Variants in SGSM3 observed in about 807,000 individuals in gnomAD.
The protein encoded by SGSM3 is small G protein signaling modulator 3.
SGSM3 carries 96 observed loss-of-function variants against 100.5 expected under a neutral mutation model. The observed-to-expected ratio is 0.96, with a 90% confidence interval of 0.81 to 1.13. SGSM3 has a LOEUF of 1.13. Among genes scored for constraint, SGSM3 ranks in the 50% most tolerant of loss-of-function variants. The pLI is 0.00. For synonymous variants in SGSM3, 483 were observed against 422.8 expected (o/e 1.14, Z -1.75); for missense variants, 1,001 against 1,015.8 (o/e 0.99, Z 0.20).
downstream of SGSM3, chr22:40,410,289 C>CTGTG (rs199646302): frequency 4.5e-4 from 266 of 595,318 alleles, 1 homozygote; most frequent in East Asian, 0.013. Flanking sequence ...ACTAACAGGC[C>CTGTG]TGTGTTTTTG....
rs755742784 is a variant in SGSM3 at position 40,406,219 on chromosome 22, T to TC, written c.957dup (p.Lys320GlnfsTer98). On this transcript the variant is annotated frameshift_variant, in exon 9 of 22. Transcript: ENST00000248929. LOFTEE classifies it high-confidence loss of function. ...CAGCTCACGCTGGGCATGCTGCACCTCAAGGTGCTCCACGGCCCCACTTCA... is the reference window on the plus strand; with the variant it reads ...CAGCTCACGCTGGGCATGCTGCACCTCCAAGGTGCTCCACGGCCCCACTTCA... 9.9e-6 allele frequency: 16 copies of TC among 1,613,740 alleles called. No homozygotes were observed. Among genetic ancestry groups the TC allele is most frequent in the Non-Finnish European group, 1.4e-5 (16 of 1,180,000 alleles).
At chr22:40,391,691 C>T (rs1467373859) in intron 1 of SGSM3, among the ~76,000 whole-genome samples, 1 of 152,188 alleles carries the variant, frequency 6.6e-6, no homozygotes, top group African/African-American at 2.4e-5. Flanking sequence ...CATGATTAGC[C>T]TATTGACTAT....
chr22:40,373,430 G>A (rs2059599449), intron 1 of SGSM3: 1 of 152,046 alleles, frequency 6.6e-6, no homozygotes, highest in South Asian at 2.1e-4. Flanking sequence ...CCTCAACTCT[G>A]TTGAAACTAC....
At position 40,403,614 on chromosome 22, in the gene SGSM3, G is replaced by C. The variant is rs150416899; in HGVS notation, c.158-633G>C. ...AGACCATGTCATTGGAGTGGAGAGA[G>C]CAAGAGGAAAATGGCAGGGGGTGAG... On this transcript the variant is annotated intron_variant, in intron 4 of 21. Coordinates refer to ENST00000248929, the MANE Select transcript of SGSM3 (RefSeq NM_015705.6). 2.2e-3 allele frequency among the ~76,000 whole-genome samples: 333 copies of C among 152,310 alleles called. 1 individual carries two copies. Among genetic ancestry groups the C allele is most frequent in the African/African-American group, 7.7e-3 (321 of 41,558 alleles).
intron 16 of SGSM3, 31 bp downstream of exon 16, chr22:40,408,460 C>A: frequency 6.2e-7 from 1 of 1,612,540 alleles, no homozygotes; most frequent in Non-Finnish European, 8.5e-7. Flanking sequence ...ATGACCCCCA[C>A]CCTGCACCAG....
chr22:40,405,702 G>A lies in SGSM3; in HGVS notation c.672G>A (p.Met224Ile), dbSNP rs201902718. Residue 224 changes from methionine to isoleucine, a missense_variant, in exon 8 of 22, where the codon ATG (methionine) becomes ATA (isoleucine). Met to Ile is a conservative substitution (Grantham distance 10, BLOSUM62 1). Coordinates refer to ENST00000248929, the MANE Select transcript of SGSM3 (RefSeq NM_015705.6). ...AGGAGGAGGACGCCTTCTGGATGATGTCTGCCATCATCGAGGACCTGCTCC... is the reference window on the plus strand; with the variant it reads ...AGGAGGAGGACGCCTTCTGGATGATATCTGCCATCATCGAGGACCTGCTCC... ...FLEEEDAFWM[M>I]SAIIEDLLPA... 4.3e-6 allele frequency: 7 copies of A among 1,613,676 alleles called. No homozygotes were observed. The highest frequency in any genetic ancestry group is 5.9e-6 in the Non-Finnish European group (7 of 1,179,970).
At position 40,407,285 on chromosome 22, in the gene SGSM3, TG is replaced by T; in HGVS notation, c.1327del (p.Ala443HisfsTer16). The T allele has an allele frequency of 6.2e-7, 1 of 1,613,448 alleles. No homozygotes were observed. The highest frequency in any genetic ancestry group is 8.5e-7 in the Non-Finnish European group (1 of 1,179,994). ...VADLREAILR[V>X]ARHFQCTDPK... ...GACCTCCGGGAAGCCATCCTGCGCGTGGCACGCCACTTCCAGTGCACAGACC... is the reference window on the plus strand; with the variant it reads ...GACCTCCGGGAAGCCATCCTGCGCGTGCACGCCACTTCCAGTGCACAGACC... On this transcript the variant is annotated frameshift_variant, in exon 12 of 22. Coordinates refer to ENST00000248929, the MANE Select transcript of SGSM3 (RefSeq NM_015705.6). LOFTEE classifies it high-confidence loss of function. The surrounding 1 kb of genome is among the most constrained non-coding windows in gnomAD (Gnocchi z 4.7).
intron 1 of SGSM3, chr22:40,379,439 G>A (rs2146785090): frequency 6.6e-6 from 1 of 152,340 alleles, no homozygotes; most frequent in African/African-American, 2.4e-5. Context: ...AGAAGTCTGA[G>A]ATCACCTCTT....
chr22:40,408,423 C>T lies in SGSM3; in HGVS notation c.1776C>T (p.Ile592=), dbSNP rs779903322. 67 of 1,613,302 alleles carry T rather than the reference C, an allele frequency of 4.2e-5. No individual in the cohort carries two copies. The highest frequency in any genetic ancestry group is 2.3e-4 in the African/African-American group (17 of 74,896). The stretch of plus-strand genomic sequence containing the variant: ...GCGCCTGCCACCCCTGGCTGTTTAT[C>T]GAGGAGGTAAGTCAGTGGCTGGGCC... ...LGGACHPWLF[I]EEAAGREVER... The change falls in exon 16 of 22, where the codon ATC becomes ATT. Residue 592 remains isoleucine, a synonymous_variant. Transcript: ENST00000248929.
intron 1 of SGSM3, among the ~76,000 whole-genome samples, chr22:40,374,504 A>G (rs1246771770): frequency 6.6e-6 from 1 of 152,224 alleles, no homozygotes; most frequent in Non-Finnish European, 1.5e-5. Flanking sequence ...CTTGCCTGCA[A>G]TGTAAGCTCT....
intron 1 of SGSM3, among the ~76,000 whole-genome samples, chr22:40,398,003 CTGTCACCA>C (rs2050261664): frequency 8.2e-6 from 1 of 121,454 alleles, no homozygotes; most frequent in Admixed American, 1.0e-4. Flanking sequence ...GATGGAGTCT[CTGTCACCA>C]GGCTGGAATG....
Position 40,408,348 on chromosome 22 carries a change from C to T in SGSM3, c.1701C>T (p.Ala567=). 1 of 1,613,578 alleles carries T rather than the reference C, an allele frequency of 6.2e-7. No individual in the cohort carries two copies. The highest frequency in any genetic ancestry group is 8.5e-7 in the Non-Finnish European group (1 of 1,179,986). The stretch of plus-strand genomic sequence containing the variant: ...TCGTGCGAGGGACCCTCTGCCCGGC[C>T]CTTAAGGCCCTGTTCGAACATGGAC... ...TDLVRGTLCP[A]LKALFEHGLK... The change falls in exon 16 of 22, where the codon GCC becomes GCT. Residue 567 remains alanine (A), a synonymous_variant. Transcript: ENST00000248929.
At chr22:40,373,894 G>A (rs1413328817) in intron 1 of SGSM3, among the ~76,000 whole-genome samples, 3 of 152,010 alleles carry the variant, frequency 2.0e-5, no homozygotes, top group Non-Finnish European at 4.4e-5. Context: ...GATTACAGGC[G>A]TGAGCCACCA....
At chr22:40,401,858 A>G (rs2050799589) in intron 3 of SGSM3, among the ~76,000 whole-genome samples, 183 bp downstream of exon 3, 1 of 152,256 alleles carries the variant, frequency 6.6e-6, no homozygotes, top group Admixed American at 6.5e-5. Context: ...CTATGCTCTC[A>G]GTATTATAGG....
intron 3 of SGSM3, among the ~76,000 whole-genome samples, chr22:40,401,932 A>T (rs1017357210): frequency 6.6e-6 from 1 of 152,224 alleles, no homozygotes; most frequent in Admixed American, 6.5e-5. Flanking sequence ...TGAGAAGAAC[A>T]AGGAAAATAG....
intron 1 of SGSM3, chr22:40,387,620 T>C (rs1343645728): frequency 6.3e-6 from 1 of 159,626 alleles, no homozygotes; most frequent in Non-Finnish European, 1.4e-5. Context: ...ACCTGAAAGC[T>C]GAGTTGCAGT....
chr22:40,410,021 G>A lies in SGSM3; in HGVS notation c.*262G>A. The A allele has an allele frequency of 7.5e-7, 1 of 1,326,906 alleles. No individual in the cohort carries two copies. 82.2% of individuals were successfully genotyped at this position (1,326,906 alleles called of 1,614,324 possible). The stretch of plus-strand genomic sequence containing the variant: ...GTGAGGAGGTGGGGGAGCCATGTCT[G>A]TGCTCAGGAAGAGGGAAGGGGATGG... On this transcript the variant is annotated 3_prime_UTR_variant, in exon 22 of 22. Transcript: ENST00000248929.
In SGSM3 at chr22:40,400,827, C is replaced by G; in HGVS notation, c.7+14C>G. On this transcript the variant is annotated intron_variant, in intron 2 of 21. Coordinates refer to ENST00000248929, the MANE Select transcript of SGSM3 (RefSeq NM_015705.6). ...GCACAATGTCAGGTAGAGGCAGGGGCTGGACTTGGAAACGGGGTTTGAAGC... is the reference window on the plus strand; with the variant it reads ...GCACAATGTCAGGTAGAGGCAGGGGGTGGACTTGGAAACGGGGTTTGAAGC... 1 of 1,531,432 alleles carries G rather than the reference C, an allele frequency of 6.5e-7. No homozygotes were observed. The highest frequency in any genetic ancestry group is 2.5e-5 in the East Asian group (1 of 40,504). 94.9% of individuals were successfully genotyped at this position (1,531,432 alleles called of 1,614,324 possible). A position where few individuals can be genotyped will look rare whatever the true frequency, so the allele number is the denominator to read the frequency against.
At position 40,406,190 on chromosome 22, in the gene SGSM3, G is replaced by T; in HGVS notation, c.927G>T (p.Leu309=). 6.2e-7 allele frequency: 1 copy of T among 1,614,104 alleles called. No homozygotes were observed. Among genetic ancestry groups the T allele is most frequent in the Non-Finnish European group, 8.5e-7 (1 of 1,180,024 alleles). Residue 309 remains leucine, a synonymous_variant, in exon 9 of 22, where the codon CTG becomes CTT. Coordinates refer to ENST00000248929, the MANE Select transcript of SGSM3 (RefSeq NM_015705.6). ...DLFFYEGSRV[L]FQLTLGMLHL... ...TTTTCTACGAGGGCTCCCGGGTGCT[G>T]TTCCAGCTCACGCTGGGCATGCTGC...
Sources: allele counts gnomAD v4.1 joint callset (sites outside exome capture counted in the v4.1 genomes callset), GRCh38; gene constraint gnomAD v4.1.1; non-coding constraint Gnocchi (gnomAD v3.1); transcripts MANE v1.5; gene names NCBI Gene and HGNC (gene_info 2026-07-23, HGNC 2026-07-21).